The following CRPPA variants were observed in gnomAD, a reference collection of about 807,000 sequenced individuals.
The protein encoded by CRPPA is D-ribitol-5-phosphate cytidylyltransferase.
A neutral mutation model predicts 52.0 loss-of-function variants in CRPPA; 43 were observed. The observed-to-expected ratio is 0.83, with a 90% confidence interval of 0.65 to 1.07. The LOEUF (loss-of-function observed/expected upper bound fraction) is 1.07, where lower values mean the gene tolerates loss of function less well. Ranked by LOEUF, CRPPA falls within the 50% of genes least tolerant of loss-of-function variation. CRPPA has a pLI of 0.00. For missense variants in CRPPA, 629 were observed against 551.7 expected (o/e 1.14, Z -1.40); for synonymous variants, 250 against 203.5 (o/e 1.23, Z -1.94).
intron 4 of CRPPA, among the ~76,000 whole-genome samples, chr7:16,301,999 TAC>T (rs1203798939): frequency 6.6e-6 from 1 of 152,156 alleles, no homozygotes; most frequent in Non-Finnish European, 1.5e-5. Flanking sequence ...GCCTATAGGG[TAC>T]CACTATGTGT....
intron 3 of CRPPA, among the ~76,000 whole-genome samples, chr7:16,358,216 A>G (rs1337019318): frequency 6.6e-6 from 1 of 151,992 alleles, no homozygotes; most frequent in Admixed American, 6.6e-5. Flanking sequence ...GCAGCTGTGG[A>G]GCCAGCAGGG....
At chr7:16,232,869 G>GA (rs1782843452) in intron 8 of CRPPA, among the ~76,000 whole-genome samples, 1 of 152,030 alleles carries the variant, frequency 6.6e-6, no homozygotes, top group Admixed American at 6.6e-5. Flanking sequence ...ATTATGAGGA[G>GA]AAAAATCAAA....
chr7:16,188,992 ATAACT>A (rs1781556451), intron 9 of CRPPA, among the ~76,000 whole-genome samples: 1 of 152,214 alleles, frequency 6.6e-6, no homozygotes, highest in African/African-American at 2.4e-5. Context: ...GAAGAAAAAA[ATAACT>A]TAAATGCAGA....
At chr7:16,095,366 C>G (rs1242801266) in intron 9 of CRPPA, among the ~76,000 whole-genome samples, 1 of 151,748 alleles carries the variant, frequency 6.6e-6, no homozygotes, top group East Asian at 2.0e-4. Context: ...AGTTGTACAG[C>G]TCTCCATTTT....
Position 16,408,108 on chromosome 7 carries a change from T to TAAA in CRPPA, c.258-1774_258-1772dup, listed in dbSNP as rs912306940. Among the ~76,000 whole-genome samples the TAAA allele has an allele frequency of 3.3e-3, 462 of 138,570 alleles. 4 individuals carry two copies. Among genetic ancestry groups the TAAA allele is most frequent in the African/African-American group, 0.011 (395 of 36,810 alleles). The allele number at this position is 138,570 out of a possible 152,430, so 90.9% of individuals were successfully genotyped here. On this transcript the variant is annotated intron_variant, in intron 1 of 9. Transcript: ENST00000407010. ...GGGCGACAGAGCAGGACTCTGTCTT[T>TAAA]AAAAAAAAAAAAATAAAAAAATAAC... is the stretch of plus-strand genomic sequence containing the variant.
chr7:16,267,038 T>C (rs1783975055), intron 6 of CRPPA, among the ~76,000 whole-genome samples: 2 of 152,192 alleles, frequency 1.3e-5, no homozygotes, highest in African/African-American at 2.4e-5. Context: ...TTATTAGTAA[T>C]GCATAAAACA....
chr7:16,123,610 T>C (rs1015991801), intron 9 of CRPPA, among the ~76,000 whole-genome samples: 8 of 152,134 alleles, frequency 5.3e-5, no homozygotes, highest in African/African-American at 1.7e-4. Flanking sequence ...ATAGTGATGA[T>C]AAACTCTAAG....
At chr7:16,325,982 T>C (rs1785377931) in intron 3 of CRPPA, among the ~76,000 whole-genome samples, 1 of 151,622 alleles carries the variant, frequency 6.6e-6, no homozygotes, top group African/African-American at 2.4e-5. Context: ...TGCATAACAA[T>C]CATGGTCTAG....
Position 16,369,127 on chromosome 7 carries a change from G to T in CRPPA, c.684+6965C>A, listed in dbSNP as rs138337857. On this transcript the variant is annotated intron_variant, in intron 3 of 9. Coordinates refer to ENST00000407010, the MANE Select transcript of CRPPA (RefSeq NM_001101426.4). ...AAAACCTCTCAGACACCAAGTTGTA[G>T]AAGGAAGGGCTTTATTCAGCTGGGA... Among the ~76,000 whole-genome samples, 67 of 152,304 alleles carry T rather than the reference G, an allele frequency of 4.4e-4. 1 individual carries two copies. The East Asian group carries it at 0.013, about 29-fold the overall frequency.
chr7:16,391,452 C>G (rs940093937), intron 2 of CRPPA, among the ~76,000 whole-genome samples: 1 of 152,130 alleles, frequency 6.6e-6, no homozygotes, highest in Non-Finnish European at 1.5e-5. Context: ...CTTGTCCTTC[C>G]ACAGCCTATT....
At chr7:16,189,668 G>T (rs1310402578) in intron 9 of CRPPA, among the ~76,000 whole-genome samples, 1 of 152,128 alleles carries the variant, frequency 6.6e-6, no homozygotes, top group East Asian at 1.9e-4. Context: ...CAACATCAAA[G>T]ATCAAAATAG....
chr7:16,134,954 C>G (rs745714204), intron 9 of CRPPA, among the ~76,000 whole-genome samples: 54 of 152,140 alleles, frequency 3.5e-4, no homozygotes, highest in South Asian at 4.1e-4. Flanking sequence ...ATCACTTACT[C>G]ATATACCTGT....
chr7:16,162,788 C>G (rs897963015), intron 9 of CRPPA, among the ~76,000 whole-genome samples: 31 of 151,986 alleles, frequency 2.0e-4, no homozygotes, highest in African/African-American at 7.0e-4. Context: ...GTTAAAGTCT[C>G]CCACTATTAT....
At chr7:16,277,392 C>T (rs1368860020) in intron 6 of CRPPA, 2 of 134,954 alleles carry the variant, frequency 1.5e-5, no homozygotes, top group Non-Finnish European at 3.2e-5. Flanking sequence ...AAAAAAATTA[C>T]ACAGCTAAAA....
intron 3 of CRPPA, among the ~76,000 whole-genome samples, chr7:16,353,017 A>T (rs6979033): frequency 5.9e-5 from 9 of 151,916 alleles, no homozygotes; most frequent in Admixed American, 6.6e-5. Context: ...GTAAAATAAG[A>T]CAGGGACAGA....
At chr7:16,326,274 C>T (rs2128428606) in intron 3 of CRPPA, among the ~76,000 whole-genome samples, 1 of 152,250 alleles carries the variant, frequency 6.6e-6, no homozygotes, top group East Asian at 1.9e-4. Flanking sequence ...ATCTAACAGA[C>T]ACAAGCCTAG....
At chr7:16,419,272 T>C (rs889851974) in intron 1 of CRPPA, among the ~76,000 whole-genome samples, 10 of 152,236 alleles carry the variant, frequency 6.6e-5, no homozygotes, top group African/African-American at 2.4e-4. Flanking sequence ...AACCTGAAAC[T>C]GCCTTTGTGA....
chr7:16,418,053 A>G (rs989283971), intron 1 of CRPPA, among the ~76,000 whole-genome samples: 3 of 152,210 alleles, frequency 2.0e-5, no homozygotes, highest in African/African-American at 7.2e-5. Context: ...TATCTTTTTT[A>G]ATGAAGTGAC....
chr7:16,342,178 A>G (rs568244708), intron 3 of CRPPA, among the ~76,000 whole-genome samples: 15 of 152,220 alleles, frequency 9.9e-5, no homozygotes, highest in Non-Finnish European at 1.9e-4. Flanking sequence ...TATGTGTCCT[A>G]ACATTTTATT....
Sources: gnomAD v4.1 joint callset for allele counts (sites outside exome capture counted in the v4.1 genomes callset) on GRCh38, gnomAD v4.1.1 for gene constraint, MANE v1.5 for transcripts, NCBI Gene and HGNC (gene_info 2026-07-23, HGNC 2026-07-21) for gene names.